Variants in PDE10A observed in about 807,000 individuals in gnomAD.
The protein encoded by PDE10A is cAMP and cAMP-inhibited cGMP 3',5'-cyclic phosphodiesterase 10A.
A neutral mutation model predicts 97.7 loss-of-function variants in PDE10A; 39 were observed. That is an observed-to-expected ratio of 0.40 (90% confidence interval 0.31 to 0.52). The LOEUF is 0.52. Ranked by LOEUF, PDE10A falls within the 20% of genes least tolerant of loss-of-function variation. The probability of loss-of-function intolerance (pLI) is 0.56; values close to 1 mark genes in which losing one functional copy is unlikely to be tolerated. For synonymous variants in PDE10A, 371 were observed against 376.8 expected (o/e 0.98, Z 0.18); for missense variants, 731 against 1,047.8 (o/e 0.70, Z 4.17).
At chr6:165,816,774 G>A (rs893168489) in intron 1 of PDE10A, among the ~76,000 whole-genome samples, 2 of 152,350 alleles carry the variant, frequency 1.3e-5, no homozygotes, top group Admixed American at 6.5e-5. Flanking sequence ...GAAAGAGGGA[G>A]GAAGATGCAT....
chr6:165,701,994 C>A (rs1412438661), intron 1 of PDE10A, among the ~76,000 whole-genome samples: 1 of 152,102 alleles, frequency 6.6e-6, no homozygotes, highest in Non-Finnish European at 1.5e-5. Context: ...TGGTCCTGGG[C>A]CCTGGAACTA....
chr6:165,612,648 C>A (rs898615381), intron 1 of PDE10A, among the ~76,000 whole-genome samples: 28 of 152,220 alleles, frequency 1.8e-4, no homozygotes, highest in African/African-American at 6.5e-4. Context: ...GGATTACCAG[C>A]GTGAGCCACT....
chr6:165,683,663 G>T (rs532234007), intron 1 of PDE10A, among the ~76,000 whole-genome samples: 1 of 152,290 alleles, frequency 6.6e-6, no homozygotes, highest in South Asian at 2.1e-4. Flanking sequence ...TGTGAGGTAG[G>T]CTTGCAATAC....
At position 165,683,616 on chromosome 6, in the gene PDE10A, C is replaced by T. The variant is rs1015353954; in HGVS notation, c.-614-140048G>A. ...TGTTTTATCACAGCTTTCTAAATGG[C>T]ATGCCTTCCAAAGCATATCATAAAC... On this transcript the variant is annotated intron_variant, in intron 1 of 19. Transcript: ENST00000366882. Among the ~76,000 whole-genome samples, 3 of 152,116 alleles carry T rather than the reference C, an allele frequency of 2.0e-5. No homozygotes were observed. The South Asian group carries it at 6.2e-4, about 32-fold the overall frequency.
At chr6:165,377,977 T>C (rs1784715253) in intron 18 of PDE10A, among the ~76,000 whole-genome samples, 2 of 152,234 alleles carry the variant, frequency 1.3e-5, no homozygotes, top group Admixed American at 1.3e-4. Flanking sequence ...TATCTTTGTA[T>C]TGTTTTTCTT....
chr6:165,410,426 G>A (rs868195504), intron 13 of PDE10A, among the ~76,000 whole-genome samples: 52 of 152,204 alleles, frequency 3.4e-4, no homozygotes, highest in African/African-American at 1.1e-3. Context: ...TAAGATTGAT[G>A]CTGAATAGGG....
At chr6:165,620,539 A>G (rs1427749600) in intron 1 of PDE10A, among the ~76,000 whole-genome samples, 2 of 152,168 alleles carry the variant, frequency 1.3e-5, no homozygotes, top group Admixed American at 6.5e-5. Context: ...GTGCAGAGCC[A>G]CTGAAGGCTA....
At chr6:165,585,532 A>G (rs1018976845) in intron 1 of PDE10A, among the ~76,000 whole-genome samples, 2 of 152,160 alleles carry the variant, frequency 1.3e-5, no homozygotes, top group Non-Finnish European at 2.9e-5. Context: ...GCACAGAGGA[A>G]AAGGGGATGT....
intron 1 of PDE10A, among the ~76,000 whole-genome samples, chr6:165,776,237 T>A (rs544060923): frequency 5.3e-5 from 8 of 152,232 alleles, no homozygotes; most frequent in Non-Finnish European, 1.0e-4. Flanking sequence ...ATTATGCATA[T>A]GTATAACACA....
intron 1 of PDE10A, among the ~76,000 whole-genome samples, chr6:165,907,950 C>A (rs994169123): frequency 2.6e-5 from 4 of 152,246 alleles, no homozygotes; most frequent in Admixed American, 2.0e-4. Flanking sequence ...AAAAACTACA[C>A]CTCGAGCCTT....
intron 1 of PDE10A, among the ~76,000 whole-genome samples, chr6:165,594,500 A>C (rs1185049331): frequency 6.6e-6 from 1 of 152,324 alleles, no homozygotes; most frequent in East Asian, 1.9e-4. Context: ...CCCAAAGTGA[A>C]GCAGAACAAA....
chr6:165,538,825 T>C (rs1025064876), intron 2 of PDE10A, among the ~76,000 whole-genome samples: 5 of 152,210 alleles, frequency 3.3e-5, no homozygotes, highest in Non-Finnish European at 4.4e-5. Flanking sequence ...TATTTAATAA[T>C]ATATACTTTG....
At chr6:165,739,646 T>A (rs1792670580) in intron 1 of PDE10A, among the ~76,000 whole-genome samples, 1 of 151,372 alleles carries the variant, frequency 6.6e-6, no homozygotes, top group African/African-American at 2.4e-5. Flanking sequence ...ACAAATGGGA[T>A]TACATCAAAC....
intron 1 of PDE10A, among the ~76,000 whole-genome samples, chr6:165,910,384 T>G (rs930656312): frequency 6.6e-6 from 1 of 152,194 alleles, no homozygotes; most frequent in African/African-American, 2.4e-5. Flanking sequence ...GCTCATCAGA[T>G]AGTCAAACCG....
chr6:165,461,821 TG>T (rs1215879823), intron 3 of PDE10A, among the ~76,000 whole-genome samples: 2 of 152,240 alleles, frequency 1.3e-5, no homozygotes, highest in Non-Finnish European at 2.9e-5. Context: ...CAGCACTACC[TG>T]GAAAGAAGCT....
At chr6:165,437,718 C>G (rs1007592168) in intron 5 of PDE10A, among the ~76,000 whole-genome samples, 1 of 152,156 alleles carries the variant, frequency 6.6e-6, no homozygotes, top group African/African-American at 2.4e-5. Flanking sequence ...AGGCCCAAAA[C>G]TCCAGCAGAA....
At chr6:165,510,284 G>T (rs1781436381) in intron 2 of PDE10A, among the ~76,000 whole-genome samples, 1 of 151,676 alleles carries the variant, frequency 6.6e-6, no homozygotes, top group African/African-American at 2.4e-5. Flanking sequence ...TATTAAATGA[G>T]ATGATCATAT....
intron 1 of PDE10A, among the ~76,000 whole-genome samples, chr6:165,821,717 GT>G (rs1464807259): frequency 1.3e-5 from 2 of 152,008 alleles, no homozygotes; most frequent in Admixed American, 6.6e-5. Flanking sequence ...TTGTTTTTGT[GT>G]TTTTAGTAGA....
intron 1 of PDE10A, among the ~76,000 whole-genome samples, chr6:165,827,455 C>T (rs1005139674): frequency 2.6e-5 from 4 of 152,222 alleles, no homozygotes; most frequent in Admixed American, 2.6e-4. Context: ...TTCAACAAAA[C>T]GAACCGAGTA....
Sources: gnomAD v4.1 joint callset for allele counts (sites outside exome capture counted in the v4.1 genomes callset) on GRCh38, gnomAD v4.1.1 for gene constraint, MANE v1.5 for transcripts, NCBI Gene and HGNC (gene_info 2026-07-23, HGNC 2026-07-21) for gene names.